Variants in TNS3 observed in about 807,000 individuals in gnomAD.
TNS3 encodes the protein tensin-3.
TNS3 carries 45 observed loss-of-function variants against 140.9 expected under a neutral mutation model. That is an observed-to-expected ratio of 0.32 (90% CI 0.25 to 0.41). TNS3 has a LOEUF of 0.41. TNS3 is among the 10% of genes least tolerant of loss of function. The pLI, the probability that TNS3 is intolerant of heterozygous loss-of-function variation, is 1.00. For missense variants in TNS3, 1,716 were observed against 1,906.7 expected, an observed-to-expected ratio of 0.90 and a Z score of 1.86; for synonymous variants, 815 against 788.4, an observed-to-expected ratio of 1.03 and a Z score of -0.56.
At chr7:47,329,848 C>T (rs1788236850) in intron 20 of TNS3, among the ~76,000 whole-genome samples, 1 of 152,074 alleles carries the variant, frequency 6.6e-6, no homozygotes. Flanking sequence ...ACTGTGGGCT[C>T]AGTGACTCGG....
At chr7:47,405,581 TA>T (rs762525132) in intron 13 of TNS3, 5 of 702,932 alleles carry the variant, frequency 7.1e-6, no homozygotes, top group South Asian at 5.9e-5. Context: ...GAAAGGTGGG[TA>T]AATATTGGCT....
At chr7:47,400,600 C>G (rs147653241) in intron 14 of TNS3, 142 bp from the exon 15 acceptor site, 2 of 1,251,896 alleles carry the variant, frequency 1.6e-6, no homozygotes, top group African/African-American at 3.0e-5. Context: ...AAAGTATAGG[C>G]AGTTTCATTG....
Position 47,345,156 on chromosome 7 carries a change from T to A in TNS3, c.2452-118A>T, listed in dbSNP as rs115411421. 1,316 of 730,244 alleles carry A rather than the reference T, an allele frequency of 1.8e-3. 8 individuals carry two copies. In the African/African-American group the frequency reaches 0.021, roughly 11 times the overall value. 45.2% of individuals were successfully genotyped at this position (730,244 alleles called of 1,614,324 possible). Reference sequence around the variant, plus strand: ...ACTGAGCAAACCCCTCCTCTGACAGTAGGACAAGGAGGCTGAGGTCTGGAT... The same window carrying A: ...ACTGAGCAAACCCCTCCTCTGACAGAAGGACAAGGAGGCTGAGGTCTGGAT... On this transcript the variant is annotated intron_variant, in intron 18 of 30. Coordinates refer to ENST00000311160, the MANE Select transcript of TNS3 (RefSeq NM_022748.12).
intron 17 of TNS3, among the ~76,000 whole-genome samples, chr7:47,354,965 G>A (rs1789905456): frequency 6.6e-6 from 1 of 152,138 alleles, no homozygotes; most frequent in Non-Finnish European, 1.5e-5. Flanking sequence ...CAGACACTGG[G>A]TGCTACCCAC....
At chr7:47,326,635 G>A (rs1000913157) in intron 20 of TNS3, among the ~76,000 whole-genome samples, 7 of 152,000 alleles carry the variant, frequency 4.6e-5, no homozygotes, top group South Asian at 2.1e-4. Context: ...CCCCTCTCTC[G>A]AAATAGGTGG....
chr7:47,572,450 T>C (rs148379613), intron 1 of TNS3, among the ~76,000 whole-genome samples: 45 of 151,948 alleles, frequency 3.0e-4, no homozygotes, highest in African/African-American at 9.9e-4. Context: ...CTTTAAAAAG[T>C]GAATAAACAC....
chr7:47,493,648 C>A (rs1283040904), intron 3 of TNS3, among the ~76,000 whole-genome samples: 2 of 141,926 alleles, frequency 1.4e-5, no homozygotes, highest in South Asian at 4.4e-4. Context: ...GAAACCCTGT[C>A]TCTACTAAAA....
chr7:47,452,233 C>T (rs1796046761), intron 4 of TNS3, among the ~76,000 whole-genome samples: 1 of 152,306 alleles, frequency 6.6e-6, no homozygotes, highest in Middle Eastern at 3.4e-3. Flanking sequence ...GACCACAATG[C>T]CCATTTAACA....
At chr7:47,489,412 C>T (rs945337360) in intron 3 of TNS3, among the ~76,000 whole-genome samples, 1 of 152,218 alleles carries the variant, frequency 6.6e-6, no homozygotes, top group Non-Finnish European at 1.5e-5. Context: ...CCCTTTCAAT[C>T]CAACTCTATG....
rs544437801 is a variant in TNS3 at position 47,571,433 on chromosome 7, G to T, written c.-265+10618C>A. Among the ~76,000 whole-genome samples, 153 of 152,360 alleles carry T rather than the reference G, an allele frequency of 1.0e-3. 1 individual carries two copies. The highest frequency in any genetic ancestry group is 3.0e-3 in the Admixed American group (46 of 15,304). On this transcript the variant is annotated intron_variant, in intron 1 of 30. Coordinates refer to ENST00000311160, the MANE Select transcript of TNS3 (RefSeq NM_022748.12). Reference sequence around the variant, plus strand: ...AACAGGCAGGACAACGCAGCCACAGGCTGCACCCACGCTGGGGACTTCCTC... The same window carrying T: ...AACAGGCAGGACAACGCAGCCACAGTCTGCACCCACGCTGGGGACTTCCTC...
intron 3 of TNS3, among the ~76,000 whole-genome samples, chr7:47,486,147 CTT>C (rs1797607371): frequency 6.6e-6 from 1 of 151,782 alleles, no homozygotes; most frequent in African/African-American, 2.4e-5. Flanking sequence ...CAAATATATT[CTT>C]TTGTGTGAAT....
At position 47,413,251 on chromosome 7, in the gene TNS3, C is replaced by CTTTTTTTTT. The variant is rs71003398; in HGVS notation, c.647+677_647+685dup. On this transcript the variant is annotated intron_variant, in intron 12 of 30. Transcript: ENST00000311160. ...ACAGGTGTGAGCCACCAAGCCTGGC[C>CTTTTTTTTT]TTTTTTTTTTTTTTTTTTTTTTTTG... Among the ~76,000 whole-genome samples, 7 of 52,906 alleles carry CTTTTTTTTT rather than the reference C, an allele frequency of 1.3e-4. 1 individual carries two copies. Among genetic ancestry groups the CTTTTTTTTT allele is most frequent in the African/African-American group, 1.5e-4 (2 of 13,244 alleles). The allele number at this position is 52,906 out of a possible 152,430, so 34.7% of individuals were successfully genotyped here.
intron 4 of TNS3, among the ~76,000 whole-genome samples, chr7:47,465,978 A>G (rs1313207744): frequency 6.6e-6 from 1 of 151,732 alleles, no homozygotes; most frequent in Admixed American, 6.6e-5. Context: ...AAAGTCAAGA[A>G]CATTTTAATA....
intron 2 of TNS3, among the ~76,000 whole-genome samples, chr7:47,517,391 C>T (rs754802223): frequency 1.6e-4 from 24 of 152,136 alleles, no homozygotes; most frequent in Non-Finnish European, 3.2e-4. Flanking sequence ...CGAAAGCCAC[C>T]CACAGGGCAA....
intron 20 of TNS3, among the ~76,000 whole-genome samples, chr7:47,324,516 C>T (rs550583981): frequency 2.5e-4 from 38 of 152,304 alleles, no homozygotes; most frequent in Admixed American, 9.8e-4. Context: ...CTTTAGGAGG[C>T]GGAGGCAGGC....
At chr7:47,532,110 G>A (rs1258226339) in intron 1 of TNS3, among the ~76,000 whole-genome samples, 1 of 152,118 alleles carries the variant, frequency 6.6e-6, no homozygotes, top group Non-Finnish European at 1.5e-5. Context: ...GTCTATTCTG[G>A]CTGCCTGGCC....
At chr7:47,322,094 C>T (rs576198316) in intron 20 of TNS3, among the ~76,000 whole-genome samples, 1 of 152,178 alleles carries the variant, frequency 6.6e-6, no homozygotes, top group African/African-American at 2.4e-5. Context: ...CAGAACTGGT[C>T]CCTCAGCCCC....
At chr7:47,377,977 C>A (rs566603773) in intron 16 of TNS3, among the ~76,000 whole-genome samples, 6 of 152,212 alleles carry the variant, frequency 3.9e-5, no homozygotes, top group Non-Finnish European at 8.8e-5. Flanking sequence ...GAGGTTCTGG[C>A]ATAATCCAGG....
intron 17 of TNS3, among the ~76,000 whole-genome samples, chr7:47,363,368 T>C (rs1233682777): frequency 6.6e-6 from 1 of 151,704 alleles, no homozygotes; most frequent in Non-Finnish European, 1.5e-5. Context: ...ATTATTATTA[T>C]GGTGCTGGTA....
Sources: gnomAD v4.1 joint callset for allele counts (sites outside exome capture counted in the v4.1 genomes callset) on GRCh38, gnomAD v4.1.1 for gene constraint, MANE v1.5 for transcripts, NCBI Gene and HGNC (gene_info 2026-07-23, HGNC 2026-07-21) for gene names.